Variants in FHIT observed in about 807,000 individuals in gnomAD.
FHIT encodes the protein fragile histidine triad diadenosine triphosphatase.
FHIT carries 19 observed loss-of-function variants against 17.9 expected under a neutral mutation model. That is an observed-to-expected ratio of 1.06 (90% confidence interval 0.74 to 1.56). FHIT has a LOEUF of 1.56. Among genes scored for constraint, FHIT ranks in the 40% most tolerant of loss-of-function variants. FHIT has a pLI of 0.00. For synonymous variants in FHIT, 81 were observed against 69.7 expected, an observed-to-expected ratio of 1.16 and a Z score of -0.81; for missense variants, 248 against 189.2, an observed-to-expected ratio of 1.31 and a Z score of -1.82.
At chr3:59,845,949 C>A (rs1203784272) in intron 8 of FHIT, among the ~76,000 whole-genome samples, 1 of 152,070 alleles carries the variant, frequency 6.6e-6, no homozygotes, top group Non-Finnish European at 1.5e-5. Flanking sequence ...CCTTTTCTGT[C>A]CTTTTACTTT....
At chr3:60,607,882 AT>A (rs1325490037) in intron 4 of FHIT, among the ~76,000 whole-genome samples, 13 of 152,178 alleles carry the variant, frequency 8.5e-5, no homozygotes, top group Admixed American at 8.5e-4. Context: ...CAGAGGGGAA[AT>A]AAAAAGGATG....
chr3:60,289,387 G>A (rs1012365166), intron 5 of FHIT, among the ~76,000 whole-genome samples: 1 of 152,148 alleles, frequency 6.6e-6, no homozygotes, highest in African/African-American at 2.4e-5. Context: ...GGGATCGAAA[G>A]GACCTTTAAT....
intron 5 of FHIT, among the ~76,000 whole-genome samples, chr3:60,155,758 T>C (rs1223134497): frequency 3.3e-5 from 5 of 152,310 alleles, no homozygotes; most frequent in Admixed American, 6.5e-5. Context: ...CTTTGTTTGC[T>C]GTTTGTGATT....
intron 5 of FHIT, among the ~76,000 whole-genome samples, chr3:60,125,674 G>A (rs1214550583): frequency 8.4e-6 from 1 of 119,682 alleles, no homozygotes; most frequent in Non-Finnish European, 1.9e-5. Context: ...GTATATATAT[G>A]TGTGTGCGTG....
At chr3:60,686,591 T>C (rs1553698503) in intron 4 of FHIT, among the ~76,000 whole-genome samples, 1 of 152,100 alleles carries the variant, frequency 6.6e-6, no homozygotes, top group African/African-American at 2.4e-5. Flanking sequence ...AAAATCTATA[T>C]TGATATTATC....
At chr3:60,777,356 C>G (rs13084123) in intron 4 of FHIT, among the ~76,000 whole-genome samples, 60,960 of 152,080 alleles carry the variant, frequency 0.4, 13,761 homozygotes, top group African/African-American at 0.6. Context: ...CAAAGCGGAG[C>G]CTTCCAGGCT....
rs576345716 is a variant in FHIT, at chr3:61,077,310, C to T, written c.-163-35211G>A. Reference sequence around the variant, plus strand: ...GACAGGAGCTATGGCTCAGGGTAAACACAGGAATGGAAGCATAGAAGCCCA... The same window carrying T: ...GACAGGAGCTATGGCTCAGGGTAAATACAGGAATGGAAGCATAGAAGCCCA... On this transcript the variant is annotated intron_variant, in intron 2 of 9. Coordinates refer to ENST00000492590, the MANE Select transcript of FHIT (RefSeq NM_002012.4). 7.8e-4 allele frequency among the ~76,000 whole-genome samples: 118 copies of T among 152,020 alleles called. 2 individuals carry two copies. The highest frequency in any genetic ancestry group is 3.4e-4 in the Non-Finnish European group (23 of 67,978).
At chr3:59,897,315 C>T (rs1704114618) in intron 8 of FHIT, among the ~76,000 whole-genome samples, 2 of 152,208 alleles carry the variant, frequency 1.3e-5, no homozygotes, top group African/African-American at 4.8e-5. Context: ...GACACCCTCC[C>T]TATAGTCTGC....
chr3:60,566,683 A>G (rs1234533685), intron 4 of FHIT, among the ~76,000 whole-genome samples: 1 of 152,182 alleles, frequency 6.6e-6, no homozygotes, highest in Non-Finnish European at 1.5e-5. Context: ...CTGTTTGCAG[A>G]TGACATGATT....
rs370560410 is a variant in FHIT, at chr3:61,140,035, A to T, written c.-164+60582T>A. ...TGCAAGAGAAAGCAAAAAAAAAAAAAAAATAAGAAACAATGAGAGGCATTA... is the reference window on the plus strand; with the variant it reads ...TGCAAGAGAAAGCAAAAAAAAAAAATAAATAAGAAACAATGAGAGGCATTA... On this transcript the variant is annotated intron_variant, in intron 2 of 9. Transcript: ENST00000492590. Among the ~76,000 whole-genome samples, 121 of 151,992 alleles carry T rather than the reference A, an allele frequency of 8.0e-4. 2 individuals are homozygous for T. The highest frequency in any genetic ancestry group is 7.2e-3 in the East Asian group (37 of 5,156).
chr3:60,692,553 C>T (rs1311782725), intron 4 of FHIT, among the ~76,000 whole-genome samples: 2 of 152,004 alleles, frequency 1.3e-5, no homozygotes, highest in Non-Finnish European at 2.9e-5. Context: ...TGAAAGGGGG[C>T]CACAAGCTAA....
chr3:60,265,993 T>C (rs753944719), intron 5 of FHIT, among the ~76,000 whole-genome samples: 1 of 151,968 alleles, frequency 6.6e-6, no homozygotes, highest in African/African-American at 2.4e-5. Context: ...TAATTTATTA[T>C]ATACATAAAG....
At chr3:60,764,029 C>G (rs893689610) in intron 4 of FHIT, among the ~76,000 whole-genome samples, 5 of 152,118 alleles carry the variant, frequency 3.3e-5, no homozygotes, top group Non-Finnish European at 7.4e-5. Context: ...GGTGAAAGAA[C>G]TGAGCCCTAG....
chr3:60,548,622 C>G (rs569287101), intron 4 of FHIT, among the ~76,000 whole-genome samples: 1 of 152,274 alleles, frequency 6.6e-6, no homozygotes, highest in East Asian at 1.9e-4. Flanking sequence ...CCTGGCTACT[C>G]AAAATGTGGT....
intron 5 of FHIT, among the ~76,000 whole-genome samples, chr3:60,323,599 C>T (rs1250619218): frequency 6.6e-6 from 1 of 152,172 alleles, no homozygotes; most frequent in Non-Finnish European, 1.5e-5. Context: ...GGAGCAGATC[C>T]CCATCTGTGT....
chr3:60,518,414 G>A (rs940145173), intron 5 of FHIT, among the ~76,000 whole-genome samples: 5 of 152,186 alleles, frequency 3.3e-5, no homozygotes, highest in African/African-American at 1.2e-4. Context: ...AATGTAAACA[G>A]TGAGATATGT....
intron 3 of FHIT, among the ~76,000 whole-genome samples, chr3:60,832,913 C>G (rs1282363760): frequency 6.6e-6 from 1 of 152,188 alleles, no homozygotes; most frequent in Non-Finnish European, 1.5e-5. Context: ...CATCTCAAAT[C>G]AGACTAACCT....
At chr3:61,167,643 A>AAG (rs1553859978) in intron 2 of FHIT, among the ~76,000 whole-genome samples, 1 of 151,074 alleles carries the variant, frequency 6.6e-6, no homozygotes, top group African/African-American at 2.4e-5. Flanking sequence ...AAAAAAAAAA[A>AAG]AAAGAAAGAA....
chr3:59,883,865 AG>A (rs1401804491), intron 8 of FHIT, among the ~76,000 whole-genome samples: 1 of 152,248 alleles, frequency 6.6e-6, no homozygotes, highest in Non-Finnish European at 1.5e-5. Flanking sequence ...TTGTGTCAAT[AG>A]CTGTTACATG....
Sources: allele counts gnomAD v4.1 joint callset (sites outside exome capture counted in the v4.1 genomes callset), GRCh38; gene constraint gnomAD v4.1.1; transcripts MANE v1.5; gene names NCBI Gene and HGNC (gene_info 2026-07-23, HGNC 2026-07-21).